Variants in DLG2 observed in about 807,000 individuals in gnomAD.
DLG2 encodes discs large MAGUK scaffold protein 2.
In DLG2, 45 loss-of-function variants were observed where a neutral mutation model predicts 132.5. The observed-to-expected ratio is 0.34, with a 90% CI of 0.27 to 0.44. The LOEUF (loss-of-function observed/expected upper bound fraction) is 0.44. Ranked by LOEUF, DLG2 falls within the 20% of genes least tolerant of loss-of-function variation. The pLI is 1.00. For synonymous variants in DLG2, 424 were observed against 419.6 expected, an observed-to-expected ratio of 1.01 and a Z score of -0.13; for missense variants, 1,045 against 1,196.9, an observed-to-expected ratio of 0.87 and a Z score of 1.87.
At chr11:85,138,170 C>T (rs1419264835) in intron 5 of DLG2, among the ~76,000 whole-genome samples, 1 of 152,110 alleles carries the variant, frequency 6.6e-6, no homozygotes, top group Non-Finnish European at 1.5e-5. Context: ...CAGTTTTTCT[C>T]ATGTGAGTTG....
At chr11:84,837,672 T>C (rs767226695) in intron 6 of DLG2, among the ~76,000 whole-genome samples, 14 of 151,794 alleles carry the variant, frequency 9.2e-5, no homozygotes, top group Non-Finnish European at 1.9e-4. Flanking sequence ...CATTATCCCA[T>C]TGCTATAGGA....
At chr11:85,445,851 T>A (rs1447268565) in intron 3 of DLG2, among the ~76,000 whole-genome samples, 1 of 152,210 alleles carries the variant, frequency 6.6e-6, no homozygotes, top group African/African-American at 2.4e-5. Context: ...TTGGGATTGA[T>A]GAAACCATTG....
rs146281474 is a variant in DLG2 at position 83,728,999 on chromosome 11, T to C, written c.1825+57691A>G. Among the ~76,000 whole-genome samples, 40 of 152,340 alleles carry C rather than the reference T, an allele frequency of 2.6e-4. 1 individual carries two copies. Among genetic ancestry groups the C allele is most frequent in the African/African-American group, 9.4e-4 (39 of 41,582 alleles). ...TCCTTCTACAATGCAGGCATGATTA[T>C]AAGCATTGTTACTTCCACTAGGTAA... is the stretch of plus-strand genomic sequence containing the variant. On this transcript the variant is annotated intron_variant, in intron 18 of 27. Transcript: ENST00000376104.
chr11:85,031,129 A>G (rs1401629895), intron 6 of DLG2, among the ~76,000 whole-genome samples: 2 of 151,894 alleles, frequency 1.3e-5, no homozygotes, highest in Non-Finnish European at 2.9e-5. Flanking sequence ...TTCATTTTCA[A>G]TGGCTAAGGC....
intron 18 of DLG2, among the ~76,000 whole-genome samples, chr11:83,739,918 C>T (rs547506742): frequency 2.6e-5 from 4 of 152,098 alleles, no homozygotes; most frequent in African/African-American, 9.6e-5. Context: ...GATATGATGC[C>T]CAAGCATCTG....
At chr11:85,438,612 G>A (rs2091613289) in intron 3 of DLG2, among the ~76,000 whole-genome samples, 1 of 152,028 alleles carries the variant, frequency 6.6e-6, no homozygotes, top group South Asian at 2.1e-4. Flanking sequence ...ATCACAAACA[G>A]GATACTGGCA....
At chr11:85,053,172 G>A (rs901427676) in intron 6 of DLG2, among the ~76,000 whole-genome samples, 6 of 151,964 alleles carry the variant, frequency 3.9e-5, no homozygotes, top group African/African-American at 1.2e-4. Context: ...TCTGTAAATT[G>A]ACAAAAATTG....
At chr11:84,709,952 G>A (rs1432952660) in intron 6 of DLG2, among the ~76,000 whole-genome samples, 2 of 151,804 alleles carry the variant, frequency 1.3e-5, no homozygotes, top group Non-Finnish European at 2.9e-5. Flanking sequence ...GACATCATTG[G>A]TTCTCTTGTC....
intron 6 of DLG2, among the ~76,000 whole-genome samples, chr11:84,755,682 C>T (rs1401694781): frequency 6.6e-6 from 1 of 152,208 alleles, no homozygotes; most frequent in Non-Finnish European, 1.5e-5. Context: ...CTCGGCCTCC[C>T]GAAGTGCTGG....
intron 7 of DLG2, among the ~76,000 whole-genome samples, chr11:84,311,279 G>T (rs975017334): frequency 6.6e-6 from 1 of 151,974 alleles, no homozygotes; most frequent in Non-Finnish European, 1.5e-5. Context: ...AGTTCTTCAG[G>T]ATAAAAAACA....
At chr11:85,034,245 T>A (rs552148823) in intron 6 of DLG2, among the ~76,000 whole-genome samples, 2 of 151,880 alleles carry the variant, frequency 1.3e-5, no homozygotes, top group African/African-American at 2.4e-5. Context: ...GCCCGGCTAA[T>A]TTTTTTGTAT....
intron 15 of DLG2, among the ~76,000 whole-genome samples, chr11:83,929,317 C>A (rs964358118): frequency 2.6e-5 from 4 of 152,130 alleles, no homozygotes; most frequent in Admixed American, 2.0e-4. Flanking sequence ...TCAGCTCTAA[C>A]AATATTATGA....
At chr11:83,556,719 G>A (rs1252250442) in intron 19 of DLG2, among the ~76,000 whole-genome samples, 2 of 152,224 alleles carry the variant, frequency 1.3e-5, no homozygotes, top group African/African-American at 4.8e-5. Flanking sequence ...TGATAAGGAA[G>A]TAATTGGGAA....
intron 3 of DLG2, among the ~76,000 whole-genome samples, chr11:85,583,339 TTGTTGTTGCTCC>T (rs2078745200): frequency 6.7e-6 from 1 of 149,158 alleles, no homozygotes; most frequent in Non-Finnish European, 1.5e-5. Flanking sequence ...CTTTTTGTTG[TTGTTGTTGCTCC>T]TGTTGTTGTT....
chr11:84,924,974 A>G (rs2092923212), intron 6 of DLG2, among the ~76,000 whole-genome samples: 1 of 152,186 alleles, frequency 6.6e-6, no homozygotes, highest in Admixed American at 6.5e-5. Flanking sequence ...AGCAGGTCAC[A>G]TTTCCTGCAG....
At chr11:84,992,438 T>G (rs770878026) in intron 6 of DLG2, among the ~76,000 whole-genome samples, 1 of 152,208 alleles carries the variant, frequency 6.6e-6, no homozygotes, top group Non-Finnish European at 1.5e-5. Context: ...TTGTTATGCT[T>G]AAAGAAGATA....
At chr11:84,941,540 A>T (rs1467109379) in intron 6 of DLG2, among the ~76,000 whole-genome samples, 2 of 152,142 alleles carry the variant, frequency 1.3e-5, no homozygotes, top group Non-Finnish European at 2.9e-5. Context: ...ATTGATTTGC[A>T]TATATTGAAG....
intron 6 of DLG2, among the ~76,000 whole-genome samples, chr11:84,641,906 A>T (rs1294974317): frequency 6.6e-6 from 1 of 151,508 alleles, no homozygotes; most frequent in Non-Finnish European, 1.5e-5. Context: ...GAAACTGTAC[A>T]TGTGTGGATA....
rs536789888 is a variant in DLG2, at chr11:85,461,476, T to C, written c.40+137181A>G. Among the ~76,000 whole-genome samples the C allele has an allele frequency of 2.0e-4, 30 of 152,366 alleles. No homozygotes were observed. In the East Asian group the frequency reaches 3.3e-3, roughly 17 times the overall value. ...AGTTTCCTGGCTGATCTCTACCATA[T>C]TTGAGTCTGACTATGCTGCCATGAG... On this transcript the variant is annotated intron_variant, in intron 3 of 27. Transcript: ENST00000376104.
Sources: allele counts gnomAD v4.1 joint callset (sites outside exome capture counted in the v4.1 genomes callset), GRCh38; gene constraint gnomAD v4.1.1; transcripts MANE v1.5; gene names NCBI Gene and HGNC (gene_info 2026-07-23, HGNC 2026-07-21).